The following CAST variants were observed in gnomAD, a reference collection of about 807,000 sequenced individuals.
CAST encodes calpastatin.
In CAST, 76 loss-of-function variants were observed where a neutral mutation model predicts 119.6. That is an observed-to-expected ratio of 0.64 (90% CI 0.53 to 0.77). The LOEUF is 0.77. CAST is among the 30% of genes least tolerant of loss of function. The pLI is 0.00. For missense variants in CAST, 953 were observed against 946.5 expected (o/e 1.01, Z -0.09); for synonymous variants, 319 against 331.6 (o/e 0.96, Z 0.41).
At chr5:96,443,282 A>G in the CAST span, among the ~76,000 whole-genome samples, 2 of 152,216 alleles carry the variant, frequency 1.3e-5, no homozygotes, top group African/African-American at 4.8e-5. Flanking sequence ...AGTACATTTT[A>G]AAACCTTTCC....
chr5:96,525,704 TAGTTA>T (rs1745587574), upstream of CAST, among the ~76,000 whole-genome samples: 1 of 152,186 alleles, frequency 6.6e-6, no homozygotes, highest in African/African-American at 2.4e-5. Context: ...ACTTACCATT[TAGTTA>T]AGTTAAAGAA....
chr5:96,345,894 G>T, the CAST span, among the ~76,000 whole-genome samples: 17 of 152,316 alleles, frequency 1.1e-4, no homozygotes, highest in African/African-American at 3.8e-4. Context: ...GAAAGTCAGG[G>T]TGTTTTTGTA....
chr5:96,102,218 G>A, the CAST span, among the ~76,000 whole-genome samples: 1 of 152,160 alleles, frequency 6.6e-6, no homozygotes, highest in African/African-American at 2.4e-5. Flanking sequence ...TCACTTGGAG[G>A]ATGGTGGAGG....
chr5:96,723,673 G>A (rs1198301184), intron 4 of CAST, among the ~76,000 whole-genome samples: 2 of 152,136 alleles, frequency 1.3e-5, no homozygotes, highest in Non-Finnish European at 2.9e-5. Context: ...CTCTCCCTAA[G>A]TTACTCTAGC....
the CAST span, chr5:96,432,259 AT>A: frequency 6.5e-6 from 5 of 768,804 alleles, no homozygotes; most frequent in African/African-American, 1.8e-5. Flanking sequence ...TTCACCCACC[AT>A]TTCTCCCCCC....
chr5:95,980,593 C>T, the CAST span: 4 of 152,152 alleles, frequency 2.6e-5, no homozygotes, highest in African/African-American at 7.2e-5. Flanking sequence ...TTTCCCTCAA[C>T]CTATCATGGT....
intron 1 of CAST, among the ~76,000 whole-genome samples, chr5:96,568,602 GTTGGTTT>G: frequency 6.7e-6 from 1 of 149,818 alleles, no homozygotes; most frequent in Non-Finnish European, 1.5e-5. Context: ...GATAAGGGCA[GTTGGTTT>G]ATATCTTTAA....
intron 2 of CAST, among the ~76,000 whole-genome samples, chr5:96,688,017 A>G (rs1752275871): frequency 6.6e-6 from 1 of 152,242 alleles, no homozygotes; most frequent in Non-Finnish European, 1.5e-5. Context: ...ATATGGTGCT[A>G]TCTGCCTGCA....
intron 1 of CAST, among the ~76,000 whole-genome samples, chr5:96,532,090 A>T (rs1745699573): frequency 6.6e-6 from 1 of 152,204 alleles, no homozygotes; most frequent in Admixed American, 6.5e-5. Context: ...TCCCCATCTC[A>T]AAATAACGAA....
the CAST span, among the ~76,000 whole-genome samples, chr5:96,361,188 G>A: frequency 6.6e-6 from 1 of 152,180 alleles, no homozygotes; most frequent in Admixed American, 6.5e-5. Flanking sequence ...TTCCCACCAA[G>A]CTCGAGTGTC....
At chr5:96,296,368 C>G in the CAST span, among the ~76,000 whole-genome samples, 1 of 152,186 alleles carries the variant, frequency 6.6e-6, no homozygotes, top group African/African-American at 2.4e-5. Context: ...ACAAAACCAT[C>G]TTCAGGAGGC....
chr5:96,612,484 C>A (rs1028941845), intron 1 of CAST, among the ~76,000 whole-genome samples: 13 of 152,276 alleles, frequency 8.5e-5, no homozygotes, highest in African/African-American at 2.9e-4. Context: ...GTACTATGTT[C>A]ACTCTCTGGG....
At chr5:96,133,967 G>GT in the CAST span, among the ~76,000 whole-genome samples, 38 of 152,306 alleles carry the variant, frequency 2.5e-4, 1 homozygote, top group South Asian at 7.5e-3. Flanking sequence ...TCTGTGAGAG[G>GT]TTTTACCCCA....
chr5:96,361,597 C>T, the CAST span, among the ~76,000 whole-genome samples: 6 of 152,154 alleles, frequency 3.9e-5, no homozygotes, highest in African/African-American at 1.2e-4. Flanking sequence ...AGTTCCCTGA[C>T]CCCTTGCACT....
At chr5:96,535,372 G>C (rs1221530878) in intron 1 of CAST, among the ~76,000 whole-genome samples, 1 of 127,204 alleles carries the variant, frequency 7.9e-6, no homozygotes, top group African/African-American at 2.8e-5. Context: ...CATTGTGGAA[G>C]CAAAGATAAA....
chr5:96,383,602 C>T, the CAST span, among the ~76,000 whole-genome samples: 128 of 152,278 alleles, frequency 8.4e-4, no homozygotes, highest in African/African-American at 2.8e-3. Context: ...CAGGCCACCA[C>T]GCCCAGCTAA....
the CAST span, among the ~76,000 whole-genome samples, chr5:96,368,252 C>T: frequency 6.6e-6 from 1 of 151,900 alleles, no homozygotes; most frequent in Non-Finnish European, 1.5e-5. Context: ...GTAATACCAG[C>T]ACTTTGGGTG....
At chr5:96,328,134 T>C in the CAST span, among the ~76,000 whole-genome samples, 1 of 152,216 alleles carries the variant, frequency 6.6e-6, no homozygotes, top group Non-Finnish European at 1.5e-5. Context: ...CTTGGCATTT[T>C]CATTGACGAT....
At chr5:96,634,064 C>A (rs1387412136) in intron 1 of CAST, among the ~76,000 whole-genome samples, 4 of 152,118 alleles carry the variant, frequency 2.6e-5, no homozygotes, top group African/African-American at 9.7e-5. Context: ...AGTATAAATT[C>A]TTTGAGAAAA....
Sources: gnomAD v4.1 joint callset for allele counts (sites outside exome capture counted in the v4.1 genomes callset) on GRCh38, gnomAD v4.1.1 for gene constraint, MANE v1.5 for transcripts, NCBI Gene and HGNC (gene_info 2026-07-23, HGNC 2026-07-21) for gene names.